CHST12: variants seen among roughly 807,000 people sequenced by gnomAD.
The protein encoded by CHST12 is carbohydrate sulfotransferase 12.
In CHST12, 23 loss-of-function variants were observed where a neutral mutation model predicts 27.9. The observed-to-expected ratio is 0.82, with a 90% CI of 0.59 to 1.17. The LOEUF is 1.17. Ranked by LOEUF, CHST12 falls within the 50% of genes most tolerant of loss-of-function variation. CHST12 has a pLI of 0.00. For synonymous variants in CHST12, 322 were observed against 273.0 expected, an observed-to-expected ratio of 1.18 and a Z score of -1.77; for missense variants, 682 against 603.0, an observed-to-expected ratio of 1.13 and a Z score of -1.37.
At chr7:2,415,372 A>G (rs1212731074) in intron 1 of CHST12, among the ~76,000 whole-genome samples, 1 of 152,038 alleles carries the variant, frequency 6.6e-6, no homozygotes, top group Non-Finnish European at 1.5e-5. Flanking sequence ...CCTCAAAAAA[A>G]AAAAAAAGTT....
chr7:2,418,406 G>T (rs1443416718), intron 1 of CHST12, among the ~76,000 whole-genome samples: 1 of 152,226 alleles, frequency 6.6e-6, no homozygotes, highest in Non-Finnish European at 1.5e-5. Flanking sequence ...GTGAAACTTT[G>T]CTCTGTGGGT....
In CHST12 at chr7:2,441,786, G is replaced by T. The variant is rs1562525250; in HGVS notation, c.*7902G>T. On this transcript the variant is annotated 3_prime_UTR_variant, in exon 2 of 2. Transcript: ENST00000618655. Reference sequence around the variant, plus strand: ...TTTCTCATAAGAAAAAAAAGAAAAAGGTTGACCTTGTAAGTATATTTTCTT... The same window carrying T: ...TTTCTCATAAGAAAAAAAAGAAAAATGTTGACCTTGTAAGTATATTTTCTT... 1 of 151,912 alleles carries T rather than the reference G, an allele frequency of 6.6e-6. No individual in the cohort carries two copies. Among genetic ancestry groups the T allele is most frequent in the Admixed American group, 6.6e-5 (1 of 15,244 alleles). The allele number at this position is 151,912 out of a possible 1,614,324, so 9.4% of individuals were successfully genotyped here.
rs140606388 is a variant in CHST12 at position 2,433,257 on chromosome 7, C to T, written c.618C>T (p.His206=). 1.1e-4 allele frequency: 183 copies of T among 1,611,500 alleles called. No individual in the cohort carries two copies. In the African/African-American group the frequency reaches 1.9e-3, roughly 17 times the overall value. Residue 206 remains histidine, a synonymous_variant, in exon 2 of 2, where the codon CAC becomes CAT. Transcript: ENST00000618655. This position sits in a 1 kb window ranked among gnomAD's most constrained non-coding sequence, Gnocchi z 6.1. ...ACCCGCTGCGCATCCCGCGCGAGCA[C>T]GTGCACAACGCCAGCGCGCACCTGA... is the stretch of plus-strand genomic sequence containing the variant. The part of the protein sequence containing the change: ...YRDPLRIPRE[H]VHNASAHLTF...
At position 2,448,444 on chromosome 7, in the gene CHST12, C is replaced by T. The variant is rs577809541; in HGVS notation, c.*14560C>T. 6.6e-6 allele frequency: 1 copy of T among 152,480 alleles called. No individual in the cohort carries two copies. The highest frequency in any genetic ancestry group is 1.5e-5 in the Non-Finnish European group (1 of 68,140). 9.4% of individuals were successfully genotyped at this position (152,480 alleles called of 1,614,324 possible). ...CAGAGCACCACGTCCTCTTCTGTGTCATATGCAGCTGGATCTCAGTAAATG... is the reference window on the plus strand; with the variant it reads ...CAGAGCACCACGTCCTCTTCTGTGTTATATGCAGCTGGATCTCAGTAAATG... On this transcript the variant is annotated 3_prime_UTR_variant, in exon 2 of 2. Coordinates refer to ENST00000618655, the MANE Select transcript of CHST12 (RefSeq NM_018641.5).
chr7:2,433,766 G>C lies in CHST12; in HGVS notation c.1127G>C (p.Trp376Ser). 6.2e-7 allele frequency: 1 copy of C among 1,614,078 alleles called. No individual in the cohort carries two copies. The highest frequency in any genetic ancestry group is 8.5e-7 in the Non-Finnish European group (1 of 1,180,034). Residue 376 changes from tryptophan to serine, a missense_variant, in exon 2 of 2, where the codon TGG becomes TCG. Transcript: ENST00000618655. This position sits in a 1 kb window ranked among gnomAD's most constrained non-coding sequence, Gnocchi z 6.1. ...PSYRNRTASS[W>S]EEDWFAKIPL... The stretch of plus-strand genomic sequence containing the variant: ...TACCGGAACAGGACCGCCAGCAGCT[G>C]GGAGGAGGACTGGTTCGCCAAGATC...
chr7:2,430,695 A>C (rs939914866), intron 1 of CHST12, among the ~76,000 whole-genome samples: 2 of 151,628 alleles, frequency 1.3e-5, no homozygotes, highest in Non-Finnish European at 2.9e-5. Flanking sequence ...CAAGTGATCC[A>C]CCTGCCTCGG....
intron 1 of CHST12, among the ~76,000 whole-genome samples, chr7:2,419,039 C>T (rs1201274000): frequency 1.3e-5 from 2 of 152,086 alleles, no homozygotes; most frequent in East Asian, 3.9e-4. Flanking sequence ...CTCAAGCAAT[C>T]CCCCTGCCTT....
At position 2,416,179 on chromosome 7, in the gene CHST12, C is replaced by T. The variant is rs567799038; in HGVS notation, c.-78+12506C>T. Among the ~76,000 whole-genome samples the T allele has an allele frequency of 7.9e-5, 12 of 152,332 alleles. No individual in the cohort carries two copies. The East Asian group carries it at 1.5e-3, about 20-fold the overall frequency. On this transcript the variant is annotated intron_variant, in intron 1 of 1. Transcript: ENST00000618655. ...CTCCTCAAGAAACTGCTCTTTCGTT[C>T]CTTCGTAAGAAGCAACTCTTCATCT...
intron 1 of CHST12, among the ~76,000 whole-genome samples, chr7:2,410,658 TGA>T: frequency 6.6e-6 from 1 of 152,182 alleles, no homozygotes; most frequent in Middle Eastern, 3.4e-3. Context: ...AGCAGAGATC[TGA>T]AGGAAGCGTG....
intron 1 of CHST12, among the ~76,000 whole-genome samples, chr7:2,404,959 G>C (rs1036858695): frequency 2.6e-5 from 4 of 152,310 alleles, no homozygotes; most frequent in East Asian, 1.9e-4. Context: ...ACTGTGTGGA[G>C]TTGAGACTGT....
chr7:2,410,753 G>T (rs761015003), intron 1 of CHST12, among the ~76,000 whole-genome samples: 1 of 152,134 alleles, frequency 6.6e-6, no homozygotes, highest in African/African-American at 2.4e-5. Flanking sequence ...TGGATGAACG[G>T]CAAGGAGACT....
chr7:2,409,822 G>C (rs1781617884), intron 1 of CHST12, among the ~76,000 whole-genome samples: 1 of 152,158 alleles, frequency 6.6e-6, no homozygotes, highest in South Asian at 2.1e-4. Context: ...GGCGGCCCTC[G>C]CCTGCCTCTG....
At chr7:2,429,104 C>T (rs1033673715) in intron 1 of CHST12, among the ~76,000 whole-genome samples, 3 of 152,202 alleles carry the variant, frequency 2.0e-5, no homozygotes, top group African/African-American at 7.2e-5. Context: ...TTCATAGGCT[C>T]TCTGCAGGGG....
intron 1 of CHST12, among the ~76,000 whole-genome samples, chr7:2,410,938 G>T (rs994720015): frequency 6.6e-6 from 1 of 152,258 alleles, no homozygotes. Context: ...GCAGAAGCAG[G>T]GAGACTGGTT....
rs1437407293 is a variant in CHST12, at chr7:2,436,154, A to T, written c.*2270A>T. The T allele has an allele frequency of 6.6e-6, 1 of 152,196 alleles. No individual in the cohort carries two copies. The highest frequency in any genetic ancestry group is 1.5e-5 in the Non-Finnish European group (1 of 68,048). 9.4% of individuals were successfully genotyped at this position (152,196 alleles called of 1,614,324 possible). A position where few individuals can be genotyped will look rare whatever the true frequency, so the allele number is the denominator to read the frequency against. ...TTATGATAAAAATGTTTAATTTTAA[A>T]CGTACCATCTTAACCATTGTTAAGT... On this transcript the variant is annotated 3_prime_UTR_variant, in exon 2 of 2. Transcript: ENST00000618655.
At chr7:2,425,256 G>C (rs1369308396) in intron 1 of CHST12, among the ~76,000 whole-genome samples, 2 of 148,890 alleles carry the variant, frequency 1.3e-5, no homozygotes, top group African/African-American at 5.0e-5. Context: ...AACAAACCCC[G>C]GCCCAGTGAG....
intron 1 of CHST12, among the ~76,000 whole-genome samples, chr7:2,417,984 T>G (rs1384652733): frequency 6.6e-6 from 1 of 152,272 alleles, no homozygotes; most frequent in Non-Finnish European, 1.5e-5. Context: ...TCTGGCCATG[T>G]GGCAGTGTCT....
chr7:2,419,960 A>G (rs1237288628), intron 1 of CHST12, among the ~76,000 whole-genome samples: 1 of 139,886 alleles, frequency 7.1e-6, no homozygotes, highest in African/African-American at 2.6e-5. Flanking sequence ...GAATCTTGAA[A>G]TATTTGTCTT....
rs1782567462 is a variant in CHST12, at chr7:2,440,245, T to A, written c.*6361T>A. On this transcript the variant is annotated 3_prime_UTR_variant, in exon 2 of 2. Coordinates refer to ENST00000618655, the MANE Select transcript of CHST12 (RefSeq NM_018641.5). ...CTGATGAGGATCTGTTGGTTGACTT[T>A]GACAGTGATAAACGAACACAGCCTA... The A allele has an allele frequency of 6.5e-6, 1 of 154,298 alleles. No homozygotes were observed. The highest frequency in any genetic ancestry group is 1.5e-5 in the Non-Finnish European group (1 of 68,142). 9.6% of individuals were successfully genotyped at this position (154,298 alleles called of 1,614,324 possible). A position where few individuals can be genotyped will look rare whatever the true frequency, so the allele number is the denominator to read the frequency against.
Sources: allele counts gnomAD v4.1 joint callset (sites outside exome capture counted in the v4.1 genomes callset), GRCh38; gene constraint gnomAD v4.1.1; non-coding constraint Gnocchi (gnomAD v3.1); transcripts MANE v1.5; gene names NCBI Gene and HGNC (gene_info 2026-07-23, HGNC 2026-07-21).